XIRP2: variants seen among roughly 807,000 people sequenced by gnomAD.
XIRP2 encodes xin actin-binding repeat-containing protein 2.
In XIRP2, 236 loss-of-function variants were observed where a neutral mutation model predicts 277.0. That is an observed-to-expected ratio of 0.85 (90% CI 0.77 to 0.95). The LOEUF is 0.95. Ranked by LOEUF, XIRP2 falls within the 40% of genes least tolerant of loss-of-function variation. The pLI, the probability that XIRP2 is intolerant of heterozygous loss-of-function variation, is 0.00. For missense variants in XIRP2, 4,640 were observed against 4,157.5 expected (o/e 1.12, Z -3.19); for synonymous variants, 1,490 against 1,416.5 (o/e 1.05, Z -1.17).
chr2:166,976,867 T>C (rs972937779), intron 2 of XIRP2, among the ~76,000 whole-genome samples: 4 of 152,200 alleles, frequency 2.6e-5, no homozygotes, highest in African/African-American at 9.6e-5. Context: ...ATTTCCCTCA[T>C]GTAACATTGT....
At chr2:166,942,640 A>T (rs927059311) in intron 2 of XIRP2, among the ~76,000 whole-genome samples, 3 of 152,242 alleles carry the variant, frequency 2.0e-5, no homozygotes, top group Admixed American at 2.0e-4. Flanking sequence ...TCCATATTTC[A>T]TAAGTTTGTA....
chr2:167,119,212 G>T (rs752260620), intron 2 of XIRP2, among the ~76,000 whole-genome samples: 1 of 152,112 alleles, frequency 6.6e-6, no homozygotes, highest in African/African-American at 2.4e-5. Flanking sequence ...GGAAGCTCAC[G>T]AAAGGAAACT....
chr2:167,061,116 A>G (rs1160473455), intron 2 of XIRP2, among the ~76,000 whole-genome samples: 1 of 152,160 alleles, frequency 6.6e-6, no homozygotes. Flanking sequence ...ACTTTATATA[A>G]TAGAAGAGGC....
intron 3 of XIRP2, among the ~76,000 whole-genome samples, chr2:167,166,249 C>T (rs1411399057): frequency 6.6e-6 from 1 of 151,674 alleles, no homozygotes; most frequent in Non-Finnish European, 1.5e-5. Flanking sequence ...GTTTAATATC[C>T]ATATTTTTGG....
chr2:166,940,957 C>T (rs1433662726), intron 2 of XIRP2, among the ~76,000 whole-genome samples: 1 of 152,170 alleles, frequency 6.6e-6, no homozygotes, highest in Non-Finnish European at 1.5e-5. Flanking sequence ...GGGAGAACCA[C>T]TACTCTCTTC....
At chr2:166,997,896 A>G (rs1687266242) in intron 2 of XIRP2, among the ~76,000 whole-genome samples, 1 of 147,304 alleles carries the variant, frequency 6.8e-6, no homozygotes, top group Non-Finnish European at 1.5e-5. Flanking sequence ...AAAGAGCGAG[A>G]CTCCATCTCA....
intron 2 of XIRP2, among the ~76,000 whole-genome samples, chr2:166,939,580 T>C (rs1422847653): frequency 7.0e-6 from 1 of 142,822 alleles, no homozygotes; most frequent in African/African-American, 2.7e-5. Context: ...CTCGGGAGGC[T>C]GGGGCAGGAG....
rs369036058 is a variant in XIRP2, at chr2:167,245,824, A to C, written c.4432A>C (p.Thr1478Pro). The C allele has an allele frequency of 3.2e-5, 52 of 1,613,654 alleles. No individual in the cohort carries two copies. The highest frequency in any genetic ancestry group is 4.3e-5 in the Non-Finnish European group (51 of 1,179,780). The change falls in exon 9 of 11, where the codon ACT becomes CCT. Residue 1478 changes from threonine to proline, a missense_variant. Physicochemically the swap from Thr to Pro is conservative, Grantham distance 38. Coordinates refer to ENST00000409195, the MANE Select transcript of XIRP2 (RefSeq NM_152381.6). ...GLEYENIKTV[T>P]QEDVQKGDVK... Reference sequence around the variant, plus strand: ...AGAATATGAAAATATCAAGACAGTCACTCAGGAAGATGTGCAGAAAGGTGA... The same window carrying C: ...AGAATATGAAAATATCAAGACAGTCCCTCAGGAAGATGTGCAGAAAGGTGA...
At chr2:167,253,175 G>A (rs534513507) in intron 9 of XIRP2, among the ~76,000 whole-genome samples, 94 of 151,922 alleles carry the variant, frequency 6.2e-4, no homozygotes, top group South Asian at 2.9e-3. Context: ...TCACAGGATC[G>A]CTGTGAGGAC....
At chr2:166,892,282 A>T (rs897037207) in intron 1 of XIRP2, among the ~76,000 whole-genome samples, 1 of 152,154 alleles carries the variant, frequency 6.6e-6, no homozygotes, top group Non-Finnish European at 1.5e-5. Flanking sequence ...TGAAAAAAAT[A>T]TTTAAAGTCA....
Position 167,187,907 on chromosome 2 carries a change from C to A in XIRP2, c.563-22828C>A, listed in dbSNP as rs139067041. Among the ~76,000 whole-genome samples, 156 of 152,162 alleles carry A rather than the reference C, an allele frequency of 1.0e-3. 2 individuals are homozygous for A. Among genetic ancestry groups the A allele is most frequent in the African/African-American group, 3.6e-3 (149 of 41,530 alleles). On this transcript the variant is annotated intron_variant, in intron 3 of 10. Transcript: ENST00000409195. ...ATATTTAAAACTATAAATTGTATTT[C>A]TTGGAATTTGTTGAGGGAAAGGAAG...
At chr2:167,200,324 G>A (rs1313362561) in intron 3 of XIRP2, among the ~76,000 whole-genome samples, 5 of 152,168 alleles carry the variant, frequency 3.3e-5, no homozygotes, top group African/African-American at 9.7e-5. Context: ...TCACTGTGCC[G>A]AGCCTATTTC....
intron 3 of XIRP2, among the ~76,000 whole-genome samples, chr2:167,182,326 G>T (rs1248139078): frequency 6.6e-6 from 1 of 152,080 alleles, no homozygotes; most frequent in Non-Finnish European, 1.5e-5. Context: ...AAAAACCTTA[G>T]ATGGGCCCCA....
chr2:167,163,555 A>T (rs902436297), intron 3 of XIRP2, among the ~76,000 whole-genome samples: 1 of 150,994 alleles, frequency 6.6e-6, no homozygotes, highest in Non-Finnish European at 1.5e-5. Flanking sequence ...TATCAAAGGC[A>T]TAAAAATCCT....
intron 5 of XIRP2, among the ~76,000 whole-genome samples, chr2:167,226,709 C>T (rs1287968149): frequency 6.6e-6 from 1 of 152,140 alleles, no homozygotes; most frequent in Non-Finnish European, 1.5e-5. Flanking sequence ...TCTACCCAGG[C>T]TTCTTTGGGT....
At chr2:167,227,915 A>G (rs1559030352) in intron 5 of XIRP2, among the ~76,000 whole-genome samples, 1 of 152,116 alleles carries the variant, frequency 6.6e-6, no homozygotes, top group Non-Finnish European at 1.5e-5. Context: ...ATTTATTTTC[A>G]TAGGGTGATG....
chr2:167,155,166 T>A (rs1338253640), intron 3 of XIRP2, among the ~76,000 whole-genome samples: 1 of 150,170 alleles, frequency 6.7e-6, no homozygotes, highest in Non-Finnish European at 1.5e-5. Context: ...CTACCAGAGG[T>A]ACAAGGAGGA....
chr2:167,148,723 A>G (rs1691932478), intron 3 of XIRP2, among the ~76,000 whole-genome samples: 1 of 152,192 alleles, frequency 6.6e-6, no homozygotes, highest in Non-Finnish European at 1.5e-5. Context: ...TGAAATATTA[A>G]CCAAAAGAAA....
Position 167,248,295 on chromosome 2 carries a change from T to A in XIRP2, c.6903T>A (p.Asn2301Lys), listed in dbSNP as rs1293537835. 5 of 1,613,588 alleles carry A rather than the reference T, an allele frequency of 3.1e-6. No homozygotes were observed. Among genetic ancestry groups the A allele is most frequent in the Non-Finnish European group, 4.2e-6 (5 of 1,179,814 alleles). The change falls in exon 9 of 11, where the codon AAT becomes AAA. Residue 2301 changes from asparagine (N) to lysine (K), a missense_variant. Transcript: ENST00000409195. ...PPSPPPPPPS[N>K]ASSEIEFPLP... The stretch of plus-strand genomic sequence containing the variant: ...CTCCACCTCCTCCACCACCTTCTAA[T>A]GCATCATCTGAAATTGAATTTCCTC...
Sources: gnomAD v4.1 joint callset for allele counts (sites outside exome capture counted in the v4.1 genomes callset) on GRCh38, gnomAD v4.1.1 for gene constraint, MANE v1.5 for transcripts, NCBI Gene and HGNC (gene_info 2026-07-23, HGNC 2026-07-21) for gene names.